The following TBX15 variants were observed in gnomAD, a reference collection of about 807,000 sequenced individuals.
TBX15 encodes the protein T-box transcription factor 15.
Under a neutral mutation model 53.9 loss-of-function variants are expected in TBX15, and 18 were observed. The observed-to-expected ratio is 0.33, with a 90% CI of 0.23 to 0.49. The LOEUF (loss-of-function observed/expected upper bound fraction) is 0.49. Ranked by LOEUF, TBX15 falls within the 20% of genes least tolerant of loss-of-function variation. The pLI is 0.98. For synonymous variants in TBX15, 295 were observed against 278.0 expected (o/e 1.06, Z -0.61); for missense variants, 692 against 749.5 (o/e 0.92, Z 0.90).
chr1:118,929,287 GA>G (rs1214574752), intron 2 of TBX15, among the ~76,000 whole-genome samples: 6 of 152,176 alleles, frequency 3.9e-5, no homozygotes, highest in Admixed American at 2.6e-4. Context: ...ATCTAAGTAA[GA>G]AAAAGGAGAG....
intron 1 of TBX15, among the ~76,000 whole-genome samples, chr1:118,948,062 G>A (rs1354208584): frequency 1.3e-5 from 2 of 152,068 alleles, no homozygotes; most frequent in Non-Finnish European, 2.9e-5. Flanking sequence ...GACCCCATTT[G>A]TTCTTTTGGT....
chr1:118,970,253 G>A (rs1276386033), intron 1 of TBX15, among the ~76,000 whole-genome samples: 1 of 152,134 alleles, frequency 6.6e-6, no homozygotes, highest in Non-Finnish European at 1.5e-5. Context: ...CAGCCTCCTT[G>A]TGTAAGTTTG....
At chr1:118,982,680 A>C (rs573598710) in intron 1 of TBX15, among the ~76,000 whole-genome samples, 2 of 152,324 alleles carry the variant, frequency 1.3e-5, no homozygotes, top group African/African-American at 4.8e-5. Flanking sequence ...TTTTAAACAA[A>C]TTTTCTTTCA....
In TBX15 at chr1:118,918,853, G is replaced by T. The variant is rs181750696; in HGVS notation, c.861+4583C>A. On this transcript the variant is annotated intron_variant, in intron 5 of 7. Coordinates refer to ENST00000369429, the MANE Select transcript of TBX15 (RefSeq NM_001330677.2). ...ATGAAACTTGAATATCCTGAGTATG[G>T]TTTTACAGCACGAAGGCTGAAGGGG... 3.5e-3 allele frequency among the ~76,000 whole-genome samples: 530 copies of T among 152,264 alleles called. 4 individuals carry two copies. Among genetic ancestry groups the T allele is most frequent in the Non-Finnish European group, 6.1e-3 (416 of 68,004 alleles).
In TBX15 at chr1:118,885,321, A is replaced by G. The variant is rs1468516763; in HGVS notation, c.1220T>C (p.Met407Thr). The change falls in exon 8 of 8, where the codon ATG becomes ACG. Residue 407 changes from methionine to threonine, a missense_variant. By Grantham distance (81) the Met-to-Thr change is moderately conservative. This residue lies in a region of TBX15 where 375 missense variants were observed against 371.6 expected (regional missense o/e 1.01). Coordinates refer to ENST00000369429, the MANE Select transcript of TBX15 (RefSeq NM_001330677.2). Reference protein sequence around the residue: ...SDYPPCARSNMAALQSYPGLS... With the variant: ...SDYPPCARSNTAALQSYPGLS... ...CCCTGGGTAGCTCTGCAAGGCAGCCATGTTGCTTCGGGCACATGGTGGATA... is the reference window on the plus strand; with the variant it reads ...CCCTGGGTAGCTCTGCAAGGCAGCCGTGTTGCTTCGGGCACATGGTGGATA... The G allele has an allele frequency of 2.0e-5, 32 of 1,613,988 alleles. No individual in the cohort carries two copies. The highest frequency in any genetic ancestry group is 2.7e-5 in the Non-Finnish European group (32 of 1,180,054).
At chr1:118,933,597 C>G (rs1404023409) in intron 1 of TBX15, among the ~76,000 whole-genome samples, 1 of 152,160 alleles carries the variant, frequency 6.6e-6, no homozygotes, top group African/African-American at 2.4e-5. Context: ...TCTAAGATGA[C>G]AGCTGTTGCT....
At chr1:118,953,982 T>C (rs1477569011) in intron 1 of TBX15, among the ~76,000 whole-genome samples, 1 of 152,174 alleles carries the variant, frequency 6.6e-6, no homozygotes, top group Admixed American at 6.5e-5. Flanking sequence ...AAAGCCAAGG[T>C]TCTATCCCTC....
In TBX15 at chr1:118,883,941, C is replaced by G. The variant is rs1653821841; in HGVS notation, c.*791G>C. On this transcript the variant is annotated 3_prime_UTR_variant, in exon 8 of 8. Coordinates refer to ENST00000369429, the MANE Select transcript of TBX15 (RefSeq NM_001330677.2). Reference sequence around the variant, plus strand: ...TGTCAGTCTTGCTCTCCACCTCGTTCCTGTTCTCTATTCTTTCTGTTTGTC... The same window carrying G: ...TGTCAGTCTTGCTCTCCACCTCGTTGCTGTTCTCTATTCTTTCTGTTTGTC... 1 of 152,796 alleles carries G rather than the reference C, an allele frequency of 6.5e-6. No homozygotes were observed. The highest frequency in any genetic ancestry group is 1.5e-5 in the Non-Finnish European group (1 of 68,142). 9.5% of individuals were successfully genotyped at this position (152,796 alleles called of 1,614,324 possible). A position where few individuals can be genotyped will look rare whatever the true frequency, so the allele number is the denominator to read the frequency against.
upstream of TBX15, among the ~76,000 whole-genome samples, chr1:118,988,848 T>G (rs1657931675): frequency 6.6e-6 from 1 of 152,222 alleles, no homozygotes; most frequent in South Asian, 2.1e-4. Context: ...CAAATCTGGG[T>G]AAGGCAAAAG....
At chr1:118,895,166 T>C (rs150177294) in intron 7 of TBX15, among the ~76,000 whole-genome samples, 91 of 152,272 alleles carry the variant, frequency 6.0e-4, no homozygotes, top group Middle Eastern at 3.4e-3. Flanking sequence ...AATTCAATCA[T>C]CAACAGAGAC....
chr1:118,898,271 A>G (rs1014059113), intron 7 of TBX15, among the ~76,000 whole-genome samples: 1 of 152,124 alleles, frequency 6.6e-6, no homozygotes, highest in African/African-American at 2.4e-5. Context: ...TTAGGTTACA[A>G]ACCTAATTCA....
chr1:118,917,025 C>T (rs1052958614), intron 5 of TBX15, among the ~76,000 whole-genome samples: 2 of 152,072 alleles, frequency 1.3e-5, no homozygotes, highest in African/African-American at 4.8e-5. Context: ...TCCTCAAAGA[C>T]CTAGAATCAG....
chr1:118,937,438 A>G (rs1263957031), intron 1 of TBX15, among the ~76,000 whole-genome samples: 1 of 152,196 alleles, frequency 6.6e-6, no homozygotes, highest in Non-Finnish European at 1.5e-5. Context: ...TTTATCATCT[A>G]CATGCTAAAG....
intron 1 of TBX15, among the ~76,000 whole-genome samples, chr1:118,943,640 G>T (rs1203186853): frequency 2.6e-5 from 4 of 152,188 alleles, no homozygotes; most frequent in Non-Finnish European, 2.9e-5. Flanking sequence ...AGCAACTGAG[G>T]CTGAAAAAGC....
In TBX15 at chr1:118,884,954, A is replaced by C; in HGVS notation, c.1587T>G (p.Ala529=). The C allele has an allele frequency of 6.2e-7, 1 of 1,614,154 alleles. No individual in the cohort carries two copies. The highest frequency in any genetic ancestry group is 8.5e-7 in the Non-Finnish European group (1 of 1,180,010). ...AGGCGCTCAGTTTTTCCGGGCTTGC[A>C]GCTAGCCTAGGGGAAGTGGGGAAAT... ...GYNFPTSPRL[A]ASPEKLSASQ... is the part of the protein sequence containing the mutation. Residue 529 remains alanine (A), a synonymous_variant, in exon 8 of 8, where the codon GCT becomes GCG. Coordinates refer to ENST00000369429, the MANE Select transcript of TBX15 (RefSeq NM_001330677.2).
At chr1:118,981,792 A>T (rs2101054607) in intron 1 of TBX15, among the ~76,000 whole-genome samples, 1 of 152,354 alleles carries the variant, frequency 6.6e-6, no homozygotes, top group Middle Eastern at 3.4e-3. Flanking sequence ...CCCCCAAAGA[A>T]GTGTAAACAG....
At chr1:118,989,391 G>C (rs1003895117), upstream of TBX15, 9 of 152,186 alleles carry the variant, frequency 5.9e-5, no homozygotes, top group African/African-American at 1.9e-4. Flanking sequence ...AGGACGGCAG[G>C]AGACCCCCGA....
At chr1:118,958,195 G>A (rs1036168189) in intron 1 of TBX15, among the ~76,000 whole-genome samples, 1 of 152,190 alleles carries the variant, frequency 6.6e-6, no homozygotes, top group African/African-American at 2.4e-5. Flanking sequence ...CATAAGGGTA[G>A]GGGTTGGTCC....
rs187648657 is a variant in TBX15 at position 118,920,941 on chromosome 1, G to A, written c.861+2495C>T. Among the ~76,000 whole-genome samples, 123 of 152,222 alleles carry A rather than the reference G, an allele frequency of 8.1e-4. 1 individual carries two copies. The highest frequency in any genetic ancestry group is 6.8e-3 in the Middle Eastern group (2 of 294). On this transcript the variant is annotated intron_variant, in intron 5 of 7. Coordinates refer to ENST00000369429, the MANE Select transcript of TBX15 (RefSeq NM_001330677.2). Reference sequence around the variant, plus strand: ...AATAACCCCAACACTTTGGGAGGCCGAGGTGGGAGAATTGCTTGAGCCCAG... The same window carrying A: ...AATAACCCCAACACTTTGGGAGGCCAAGGTGGGAGAATTGCTTGAGCCCAG...
Sources: gnomAD v4.1 joint callset for allele counts (sites outside exome capture counted in the v4.1 genomes callset) on GRCh38, gnomAD v4.1.1 for gene constraint, gnomAD v4.1.1 regional missense constraint, MANE v1.5 for transcripts, NCBI Gene and HGNC (gene_info 2026-07-23, HGNC 2026-07-21) for gene names.